CCAR2: variants seen among roughly 807,000 people sequenced by gnomAD.
CCAR2 encodes cell cycle and apoptosis regulator protein 2.
In CCAR2, 21 loss-of-function variants were observed where a neutral mutation model predicts 108.1. That is an observed-to-expected ratio of 0.19 (90% CI 0.14 to 0.28). The LOEUF (loss-of-function observed/expected upper bound fraction) is 0.28. Among genes scored for constraint, CCAR2 ranks in the 10% least tolerant of loss-of-function variants. CCAR2 has a pLI of 1.00. For synonymous variants in CCAR2, 577 were observed against 472.8 expected (o/e 1.22, Z -2.86); for missense variants, 1,126 against 1,177.0 (o/e 0.96, Z 0.63).
chr8:22,621,319 G>A (rs1801798884), downstream of CCAR2: 2 of 1,431,402 alleles, frequency 1.4e-6, no homozygotes, highest in Non-Finnish European at 1.9e-6. Context: ...GTGAACCAGG[G>A]CCACCTCTGT....
In CCAR2 at chr8:22,616,565, C is replaced by A. The variant is rs765306725; in HGVS notation, c.1845+317C>A. ...GGGCGCTGTAGCTCACCCCTGTAAT[C>A]CCAGCACTTTGGGAGACCGAGGTGG... On this transcript the variant is annotated intron_variant, in intron 14 of 20. Transcript: ENST00000308511. 2.2e-5 allele frequency: 8 copies of A among 369,534 alleles called. No individual in the cohort carries two copies. In the South Asian group the frequency reaches 2.3e-4, roughly 10 times the overall value. 22.9% of individuals were successfully genotyped at this position (369,534 alleles called of 1,614,324 possible). A position where few individuals can be genotyped will look rare whatever the true frequency, so the allele number is the denominator to read the frequency against.
At position 22,616,027 on chromosome 8, in the gene CCAR2, G is replaced by A. The variant is rs777938806; in HGVS notation, c.1624G>A (p.Glu542Lys). Residue 542 changes from glutamate to lysine, a missense_variant, in exon 14 of 21, where the codon GAG becomes AAG. Glu to Lys is a moderately conservative substitution (Grantham distance 56). Coordinates refer to ENST00000308511, the MANE Select transcript of CCAR2 (RefSeq NM_001393997.1). Reference protein sequence around the residue: ...RISFEVMVLAELFLEMLQRDF... With the variant: ...RISFEVMVLAKLFLEMLQRDF... The stretch of plus-strand genomic sequence containing the variant: ...TCCCCATCAGGTGATGGTGCTGGCC[G>A]AGCTGTTTCTGGAGATGCTCCAGAG... The A allele has an allele frequency of 5.0e-6, 8 of 1,613,932 alleles. No individual in the cohort carries two copies. In the Admixed American group the frequency reaches 5.0e-5, roughly 10 times the overall value.
At chr8:22,615,096 C>T in intron 11 of CCAR2, 95 bp downstream of exon 11, 2 of 1,403,110 alleles carry the variant, frequency 1.4e-6, no homozygotes, top group Non-Finnish European at 1.9e-6. Flanking sequence ...TGCTGGTTAG[C>T]TCTCTGCCCC....
In CCAR2 at chr8:22,619,024, C is replaced by T; in HGVS notation, c.2521+9C>T. The T allele has an allele frequency of 2.5e-6, 4 of 1,611,846 alleles. No individual in the cohort carries two copies. The highest frequency in any genetic ancestry group is 8.5e-7 in the Non-Finnish European group (1 of 1,179,204). On this transcript the variant is annotated intron_variant, in intron 19 of 20. Transcript: ENST00000308511. ...ACTGGAGCTGAAGCTGGGTGAGGGC[C>T]TGGGGCTGCAGCCACCATGGGGTCA... is the stretch of plus-strand genomic sequence containing the variant.
intron 20 of CCAR2, 127 bp downstream of exon 20, chr8:22,619,482 G>A (rs1801669560): frequency 4.3e-6 from 6 of 1,405,890 alleles, no homozygotes; most frequent in Middle Eastern, 1.8e-4. Flanking sequence ...TCTTTCCATC[G>A]CTTGCCAGGC....
chr8:22,606,538 C>T, intron 3 of CCAR2, 69 bp from the exon 4 acceptor site: 1 of 1,295,014 alleles, frequency 7.7e-7, no homozygotes, highest in Non-Finnish European at 1.1e-6. Flanking sequence ...GAGATGAGAC[C>T]TTCATGGCAG....
downstream of CCAR2, chr8:22,621,312 A>C: frequency 7.1e-7 from 1 of 1,409,608 alleles, no homozygotes; most frequent in Middle Eastern, 2.1e-4. Flanking sequence ...CCGGCAAGTG[A>C]ACCAGGGCCA....
rs1167311012 is a variant in CCAR2, at chr8:22,619,964, C to CCTT, written c.*283_*285dup. The CCTT allele has an allele frequency of 4.1e-6, 2 of 490,914 alleles. No homozygotes were observed. Among genetic ancestry groups the CCTT allele is most frequent in the African/African-American group, 3.9e-5 (2 of 51,540 alleles). The allele number at this position is 490,914 out of a possible 1,614,324, so 30.4% of individuals were successfully genotyped here. ...TCAACCTTGGTATTTCTCCTGGGGC[C>CCTT]CTTTTAGTCTTGTGCTGACTTTCTC... On this transcript the variant is annotated 3_prime_UTR_variant, in exon 21 of 21. Transcript: ENST00000308511.
At chr8:22,616,866 C>CTTTTTTTTTTTT (rs36086286) in intron 14 of CCAR2, among the ~76,000 whole-genome samples, 1 of 54,716 alleles carries the variant, frequency 1.8e-5, no homozygotes, top group Non-Finnish European at 3.6e-5. Context: ...TACTAGTCTG[C>CTTTTTTTTTTTT]TTTTTTTTTT....
chr8:22,618,969 C>T lies in CCAR2; in HGVS notation c.2475C>T (p.Gly825=). The change falls in exon 19 of 21, where the codon GGC becomes GGT. Residue 825 remains glycine, a synonymous_variant. Coordinates refer to ENST00000308511, the MANE Select transcript of CCAR2 (RefSeq NM_001393997.1). The stretch of plus-strand genomic sequence containing the variant: ...AGCGCGCGGAGCAGCAGGACAGCGG[C>T]CGGCTCTACCTAGAGAACAAGATCC... ...LLQRAEQQDS[G]RLYLENKIHT... The T allele has an allele frequency of 4.3e-6, 7 of 1,613,292 alleles. No homozygotes were observed. The highest frequency in any genetic ancestry group is 5.1e-6 in the Non-Finnish European group (6 of 1,179,976).
At chr8:22,613,220 C>T (rs1801362309) in intron 8 of CCAR2, 84 bp downstream of exon 8, 2 of 1,338,220 alleles carry the variant, frequency 1.5e-6, no homozygotes, top group Non-Finnish European at 2.0e-6. Flanking sequence ...TGCAAGTGCA[C>T]ATGTATGTTC....
At position 22,614,227 on chromosome 8, in the gene CCAR2, G is replaced by A. The variant is rs200255352; in HGVS notation, c.840G>A (p.Arg280=). Reference sequence around the variant, plus strand: ...CCTTTTCCCTCCATCATCCAAGCCGGATCCAGGTCTCTTCTGAAAAGGAGG... The same window carrying A: ...CCTTTTCCCTCCATCATCCAAGCCGAATCCAGGTCTCTTCTGAAAAGGAGG... ...SQPFSLHHPS[R]IQVSSEKEAA... Residue 280 remains arginine (R), a synonymous_variant, in exon 9 of 21, where the codon CGG becomes CGA. Coordinates refer to ENST00000308511, the MANE Select transcript of CCAR2 (RefSeq NM_001393997.1). 2.1e-5 allele frequency: 34 copies of A among 1,614,036 alleles called. No individual in the cohort carries two copies. In the East Asian group the frequency reaches 5.3e-4, roughly 25 times the overall value.
chr8:22,608,574 C>A (rs776452734), intron 7 of CCAR2, among the ~76,000 whole-genome samples: 2 of 152,194 alleles, frequency 1.3e-5, no homozygotes, highest in Non-Finnish European at 2.9e-5. Context: ...GCTTTCTCAG[C>A]CATGTGTGGA....
rs1187618382 is a variant in CCAR2 at position 22,613,097 on chromosome 8, C to G, written c.665C>G (p.Pro222Arg). ...WGAKKPRHDL[P>R]PYRVHLTPYT... ...GCTAAGAAGCCAAGGCATGACCTGC[C>G]TCCTTACCGGGTCCACCTCACTCCT... Residue 222 changes from proline (P) to arginine (R), a missense_variant, in exon 8 of 21, where the codon CCT becomes CGT. Physicochemically the swap from Pro to Arg is moderately radical, Grantham distance 103. Around this residue, in one of 4 missense-constraint regions of CCAR2, gnomAD observed 1,013 missense variants for 993.9 expected, o/e 1.02. Transcript: ENST00000308511. The G allele has an allele frequency of 1.9e-6, 3 of 1,612,762 alleles. No homozygotes were observed. Among genetic ancestry groups the G allele is most frequent in the Non-Finnish European group, 2.5e-6 (3 of 1,179,662 alleles).
rs1396058640 is a variant in CCAR2, at chr8:22,616,236, A to G, written c.1833A>G (p.Ser611=). The part of the protein sequence containing the change: ...EAQNEGPATE[S]EAPLKEDGLL... ...AGAATGAGGGCCCGGCTACAGAGTC[A>G]GAGGCCCCGCTGGTGAGTACCCTGC... is the stretch of plus-strand genomic sequence containing the variant. Residue 611 remains serine, a synonymous_variant, in exon 14 of 21, where the codon TCA becomes TCG. Transcript: ENST00000308511. 1 of 1,612,576 alleles carries G rather than the reference A, an allele frequency of 6.2e-7. No individual in the cohort carries two copies. The highest frequency in any genetic ancestry group is 1.7e-5 in the Admixed American group (1 of 60,022).
Position 22,606,675 on chromosome 8 carries a change from T to C in CCAR2, c.219T>C (p.Asp73=). The C allele has an allele frequency of 3.7e-6, 6 of 1,614,178 alleles. No homozygotes were observed. Among genetic ancestry groups the C allele is most frequent in the Non-Finnish European group, 5.1e-6 (6 of 1,180,004 alleles). ...TSLHDYFGVV[D]EEVFFQLSVV... ...TGCATGACTACTTTGGGGTTGTGGA[T>C]GAAGAGGTCTTTTTTCAGCTAAGGT... The change falls in exon 4 of 21, where the codon GAT becomes GAC. Residue 73 remains aspartate, a synonymous_variant. Coordinates refer to ENST00000308511, the MANE Select transcript of CCAR2 (RefSeq NM_001393997.1).
chr8:22,604,891 C>A (rs1405430188), intron 1 of CCAR2, 49 bp downstream of exon 1: 1 of 426,608 alleles, frequency 2.3e-6, no homozygotes, highest in African/African-American at 2.1e-5. Flanking sequence ...GCCCCTCCGC[C>A]CCTCCGCTGG....
At position 22,614,913 on chromosome 8, in the gene CCAR2, C is replaced by G. The variant is rs202188636; in HGVS notation, c.1117C>G (p.Pro373Ala). The change falls in exon 11 of 21, where the codon CCC becomes GCC. Residue 373 changes from proline to alanine, a missense_variant. Around this residue, in one of 4 missense-constraint regions of CCAR2, gnomAD observed 1,013 missense variants for 993.9 expected, o/e 1.02. Transcript: ENST00000308511. Reference sequence around the variant, plus strand: ...GTCTCCTTCCCTGGATGGCCTCGACCCCCAGGCTGACCCGCAGGTGCTGGT... The same window carrying G: ...GTCTCCTTCCCTGGATGGCCTCGACGCCCAGGCTGACCCGCAGGTGCTGGT... ...EWSPSLDGLD[P>A]QADPQVLVRT... The G allele has an allele frequency of 1.2e-6, 2 of 1,613,648 alleles. No individual in the cohort carries two copies. Among genetic ancestry groups the G allele is most frequent in the East Asian group, 2.2e-5 (1 of 44,874 alleles).
intron 1 of CCAR2, 188 bp from the exon 2 acceptor site, chr8:22,605,548 A>G (rs1801036396): frequency 3.4e-6 from 2 of 579,714 alleles, no homozygotes; most frequent in Non-Finnish European, 6.1e-6. Context: ...TGTCAGGGCA[A>G]ACTGGAACAA....
Sources: allele counts gnomAD v4.1 joint callset (sites outside exome capture counted in the v4.1 genomes callset), GRCh38; gene constraint gnomAD v4.1.1; regional missense constraint gnomAD v4.1.1; transcripts MANE v1.5; gene names NCBI Gene and HGNC (gene_info 2026-07-23, HGNC 2026-07-21).